TASOR2: variants seen among roughly 807,000 people sequenced by gnomAD.
The protein encoded by TASOR2 is transcription activation suppressor family member 2, also known as protein TASOR 2.
In TASOR2, 84 loss-of-function variants were observed where a neutral mutation model predicts 199.5. The ratio of observed to expected loss-of-function variants is 0.42; its 90% CI spans 0.35 to 0.50. The LOEUF is 0.50. TASOR2 is among the 20% of genes least tolerant of loss of function. The pLI, the probability that TASOR2 is intolerant of heterozygous loss-of-function variation, is 0.02. For synonymous variants in TASOR2, 1,103 were observed against 1,046.6 expected, an observed-to-expected ratio of 1.05 and a Z score of -1.04; for missense variants, 2,796 against 2,835.9, an observed-to-expected ratio of 0.99 and a Z score of 0.32.
At chr10:5,749,309 C>T (rs1837674670) in exon 15 of TASOR2, 1 of 1,614,234 alleles carries the variant, frequency 6.2e-7, no homozygotes, top group South Asian at 1.1e-5. Context: ...TGGACAAGCA[C>T]TTGGCAGGTG....
chr10:5,731,603 A>G (rs549806785), intron 11 of TASOR2, among the ~76,000 whole-genome samples: 4 of 152,358 alleles, frequency 2.6e-5, no homozygotes, highest in Admixed American at 2.6e-4. Flanking sequence ...AGCATCAGTT[A>G]GAAGATTGTT....
chr10:5,717,836 C>A, intron 3 of TASOR2, 86 bp downstream of exon 4: 1 of 479,216 alleles, frequency 2.1e-6, no homozygotes. Flanking sequence ...ATTAGTTGAA[C>A]ATAGTTCTCA....
exon 21 of TASOR2, chr10:5,763,610 ATATTGAAAATTTCTACAG>A (rs1840203203): frequency 6.6e-6 from 1 of 152,202 alleles, no homozygotes; most frequent in Non-Finnish European, 1.5e-5. Flanking sequence ...TTTATTTATG[ATATTGAAAATTTCTACAG>A]TAAACACTCA....
chr10:5,757,875 A>T (rs181629950), intron 17 of TASOR2, among the ~76,000 whole-genome samples: 11 of 151,900 alleles, frequency 7.2e-5, no homozygotes, highest in African/African-American at 2.7e-4. Context: ...CTTTTAACTG[A>T]TTCTTACCAC....
At position 5,735,323 on chromosome 10, in the gene TASOR2, A is replaced by G. The variant is rs757153339; in HGVS notation, c.1224A>G (p.Ala408=). ...CATAAGGTGCGGAAGTGCTGACTGC[A>G]CAGTTTGTACAGAAAACCAAATTGG... The change falls in exon 12 of 21, where the codon GCA becomes GCG. Residue 408 remains alanine, a synonymous_variant. Coordinates refer to ENST00000328090, the Ensembl canonical transcript of TASOR2. 1.9e-6 allele frequency: 3 copies of G among 1,614,018 alleles called. No homozygotes were observed. In the Admixed American group the frequency reaches 5.0e-5, roughly 27 times the overall value.
chr10:5,702,635 ATTTTTTTTTTTTT>A (rs71388467), intron 1 of TASOR2, among the ~76,000 whole-genome samples: 3 of 84,910 alleles, frequency 3.5e-5, no homozygotes, highest in Non-Finnish European at 4.7e-5. Context: ...TAAAATGGTC[ATTTTTTTTTTTTT>A]TTTTTTTTTT....
chr10:5,746,318 C>T, exon 15 of TASOR2: 1 of 1,614,136 alleles, frequency 6.2e-7, no homozygotes. Flanking sequence ...ACAAGAGTGG[C>T]TTCTTACAGT....
At position 5,690,339 on chromosome 10, in the gene TASOR2, T is replaced by C. The variant is rs1272729159; in HGVS notation, c.-288+5164T>C. On this transcript the variant is annotated intron_variant, in intron 1 of 20. Coordinates refer to ENST00000328090, the Ensembl canonical transcript of TASOR2. The surrounding 1 kb of genome is among the most constrained non-coding windows in gnomAD (Gnocchi z 4.8). The stretch of plus-strand genomic sequence containing the variant: ...CGGAGAACTAAATCCCTTGCTAATA[T>C]TTTGTATAAAGATTCACTACCCTCC... 1.3e-5 allele frequency among the ~76,000 whole-genome samples: 2 copies of C among 152,232 alleles called. No homozygotes were observed.
Position 5,737,661 on chromosome 10 carries a change from A to T in TASOR2, c.1448-1957A>T, listed in dbSNP as rs186197484. ...TTTGGGATATTTGAGAACATTCTAT[A>T]ATTTAATTCATACTGTTTTCAATTC... On this transcript the variant is annotated intron_variant, in intron 12 of 20. Coordinates refer to ENST00000328090, the Ensembl canonical transcript of TASOR2. The surrounding 1 kb of genome is among the most constrained non-coding windows in gnomAD (Gnocchi z 4.9). 2.0e-5 allele frequency among the ~76,000 whole-genome samples: 3 copies of T among 152,246 alleles called. No individual in the cohort carries two copies. The highest frequency in any genetic ancestry group is 7.2e-5 in the African/African-American group (3 of 41,548).
At position 5,749,597 on chromosome 10, in the gene TASOR2, C is replaced by T. The variant is rs564683300; in HGVS notation, c.6176C>T (p.Thr2059Ile). 215 of 1,614,144 alleles carry T rather than the reference C, an allele frequency of 1.3e-4. No individual in the cohort carries two copies. The South Asian group carries it at 2.0e-3, about 15-fold the overall frequency. ...CAGGGGCAGCCCAGGAGAGGCTACA[C>T]AGCCAGCAGTCTGGACAGCTCTTCC... Residue 2059 changes from threonine (T) to isoleucine (I), a missense_variant, in exon 15 of 21, where the codon ACA (threonine) becomes ATA (isoleucine). By Grantham distance (89) the Thr-to-Ile change is moderately conservative. Around this residue, in one of 3 missense-constraint regions of TASOR2, gnomAD observed 1,941 missense variants for 1,924.9 expected, o/e 1.01. Transcript: ENST00000328090.
At chr10:5,758,481 T>C (rs1414299436) in intron 17 of TASOR2, among the ~76,000 whole-genome samples, 1 of 152,116 alleles carries the variant, frequency 6.6e-6, no homozygotes, top group Admixed American at 6.6e-5. Context: ...GAGGCTATAG[T>C]GAGCTGAGAT....
At chr10:5,756,810 CCT>C in intron 16 of TASOR2, 72 bp downstream of exon 17, 1 of 1,494,604 alleles carries the variant, frequency 6.7e-7, no homozygotes, top group Non-Finnish European at 9.0e-7. Context: ...CAGACTCATC[CCT>C]CTTTTTTTAT....
At chr10:5,711,528 A>G (rs913418344) in intron 1 of TASOR2, among the ~76,000 whole-genome samples, 1 of 152,164 alleles carries the variant, frequency 6.6e-6, no homozygotes, top group Non-Finnish European at 1.5e-5. Flanking sequence ...GAAAGAGTAC[A>G]AATAGGAGAG....
At chr10:5,746,645 G>T (rs2797491) in exon 15 of TASOR2, 2 of 1,614,100 alleles carry the variant, frequency 1.2e-6, no homozygotes, top group Non-Finnish European at 1.7e-6. Context: ...GCTGATGAAC[G>T]TACAACCTTT....
chr10:5,748,205 C>G lies in TASOR2; in HGVS notation c.4784C>G (p.Thr1595Ser). 5 of 1,614,220 alleles carry G rather than the reference C, an allele frequency of 3.1e-6. No individual in the cohort carries two copies. The highest frequency in any genetic ancestry group is 4.2e-6 in the Non-Finnish European group (5 of 1,180,042). The change falls in exon 15 of 21, where the codon ACT (threonine) becomes AGT (serine). Residue 1595 changes from threonine to serine, a missense_variant. Physicochemically the swap from Thr to Ser is moderately conservative, Grantham distance 58 (BLOSUM62 1). This residue lies in a region of TASOR2 where 1,941 missense variants were observed against 1,924.9 expected (regional missense o/e 1.01). Coordinates refer to ENST00000328090, the Ensembl canonical transcript of TASOR2. The surrounding 1 kb of genome is among the most constrained non-coding windows in gnomAD (Gnocchi z 5.1). ...TTGTCTGACACATTGGTTTCCACAA[C>G]TGCACCAAGTGGTATAGTGAATGTG... is the stretch of plus-strand genomic sequence containing the variant.
At chr10:5,733,324 A>G (rs1373130999) in intron 11 of TASOR2, among the ~76,000 whole-genome samples, 1 of 152,152 alleles carries the variant, frequency 6.6e-6, no homozygotes, top group Non-Finnish European at 1.5e-5. Flanking sequence ...CCTGGCCAAC[A>G]TGGTGAAACC....
At chr10:5,757,368 C>T (rs758391027) in intron 16 of TASOR2, 152 bp from the exon 18 acceptor site, 2 of 720,884 alleles carry the variant, frequency 2.8e-6, no homozygotes, top group Non-Finnish European at 4.6e-6. Flanking sequence ...TAATATGCCT[C>T]ATGCAGGGCA....
chr10:5,759,044 A>C (rs1352636814), intron 18 of TASOR2, 52 bp downstream of exon 19: 1 of 1,312,362 alleles, frequency 7.6e-7, no homozygotes. Context: ...GGTAGCAGAG[A>C]AACGCCTCAT....
intron 1 of TASOR2, chr10:5,709,423 A>G (rs1311007929): frequency 6.0e-6 from 4 of 669,248 alleles, no homozygotes; most frequent in Non-Finnish European, 6.3e-6. Context: ...AATAAATATT[A>G]CATAATTATT....
Sources: gnomAD v4.1 joint callset for allele counts (sites outside exome capture counted in the v4.1 genomes callset) on GRCh38, gnomAD v4.1.1 for gene constraint, gnomAD v4.1.1 regional missense constraint, Gnocchi (gnomAD v3.1) non-coding constraint, MANE v1.5 for transcripts, NCBI Gene and HGNC (gene_info 2026-07-23, HGNC 2026-07-21) for gene names.